CALCRL: variants seen among roughly 807,000 people sequenced by gnomAD.
The protein encoded by CALCRL is calcitonin gene-related peptide type 1 receptor.
In CALCRL, 27 loss-of-function variants were observed where a neutral mutation model predicts 60.4. That is an observed-to-expected ratio of 0.45 (90% confidence interval 0.33 to 0.62). The LOEUF is 0.62. Among genes scored for constraint, CALCRL ranks in the 20% least tolerant of loss-of-function variants. The pLI is 0.03. For synonymous variants in CALCRL, 190 were observed against 182.6 expected (o/e 1.04, Z -0.33); for missense variants, 424 against 540.7 (o/e 0.78, Z 2.14).
intron 1 of CALCRL, among the ~76,000 whole-genome samples, chr2:187,433,732 G>T (rs1690500847): frequency 6.6e-6 from 1 of 151,966 alleles, no homozygotes; most frequent in Non-Finnish European, 1.5e-5. Context: ...TGTTGCCATG[G>T]TGAAATATAA....
chr2:187,412,990 T>C (rs1185572175), intron 1 of CALCRL, among the ~76,000 whole-genome samples: 1 of 152,204 alleles, frequency 6.6e-6, no homozygotes, highest in Non-Finnish European at 1.5e-5. Context: ...ATATGCTTTG[T>C]TCTCTGCAAA....
intron 5 of CALCRL, among the ~76,000 whole-genome samples, chr2:187,381,810 T>C (rs757336829): frequency 1.6e-4 from 25 of 152,144 alleles, no homozygotes; most frequent in Non-Finnish European, 3.1e-4. Context: ...CTGCATGAGA[T>C]GTTTATTGTT....
intron 1 of CALCRL, among the ~76,000 whole-genome samples, chr2:187,390,791 G>T (rs913576463): frequency 1.3e-5 from 2 of 152,092 alleles, no homozygotes; most frequent in South Asian, 2.1e-4. Context: ...AATCAAGGGG[G>T]CAGGTGTATG....
chr2:187,360,451 G>T, intron 10 of CALCRL, 147 bp downstream of exon 10: 1 of 628,496 alleles, frequency 1.6e-6, no homozygotes, highest in South Asian at 3.0e-5. Context: ...TTAAAATGTT[G>T]CAATTTACAA....
At chr2:187,383,843 T>G (rs1688089757) in intron 4 of CALCRL, among the ~76,000 whole-genome samples, 1 of 152,164 alleles carries the variant, frequency 6.6e-6, no homozygotes, top group Non-Finnish European at 1.5e-5. Flanking sequence ...ATGATGTTGG[T>G]AAATAGAAAT....
chr2:187,443,950 G>A (rs2105914734), intron 1 of CALCRL, among the ~76,000 whole-genome samples: 1 of 151,774 alleles, frequency 6.6e-6, no homozygotes, highest in East Asian at 1.9e-4. Context: ...TTATGAATTT[G>A]GTAGTTGGAT....
intron 14 of CALCRL, among the ~76,000 whole-genome samples, chr2:187,348,087 A>G (rs1258716356): frequency 6.6e-6 from 1 of 151,680 alleles, no homozygotes; most frequent in East Asian, 1.9e-4. Flanking sequence ...CAACAAATTT[A>G]TTTATCTTGC....
intron 1 of CALCRL, among the ~76,000 whole-genome samples, chr2:187,421,542 CT>C (rs1380809076): frequency 6.6e-6 from 1 of 152,106 alleles, no homozygotes; most frequent in Non-Finnish European, 1.5e-5. Context: ...ACTGGAATGC[CT>C]TTACTCTTGC....
intron 1 of CALCRL, among the ~76,000 whole-genome samples, chr2:187,408,241 A>T (rs1198862408): frequency 1.3e-5 from 2 of 152,088 alleles, no homozygotes; most frequent in African/African-American, 4.8e-5. Context: ...AAAATATTAC[A>T]GTTTGCAACA....
chr2:187,387,703 T>C lies in CALCRL; in HGVS notation c.-239A>G, dbSNP rs2105794679. On this transcript the variant is annotated 5_prime_UTR_variant, in exon 2 of 15. Coordinates refer to ENST00000392370, the MANE Select transcript of CALCRL (RefSeq NM_005795.6). ...CTCCAGTCTCAAATCACATTTTCTCTTGGATCATATTTGACATTGTCTTTA... is the reference window on the plus strand; with the variant it reads ...CTCCAGTCTCAAATCACATTTTCTCCTGGATCATATTTGACATTGTCTTTA... The C allele has an allele frequency of 5.0e-6, 2 of 397,080 alleles. No homozygotes were observed. The highest frequency in any genetic ancestry group is 8.8e-5 in the Admixed American group (2 of 22,700). 24.6% of individuals were successfully genotyped at this position (397,080 alleles called of 1,614,324 possible). A position where few individuals can be genotyped will look rare whatever the true frequency, so the allele number is the denominator to read the frequency against.
At chr2:187,415,104 GT>G (rs1689546332) in intron 1 of CALCRL, among the ~76,000 whole-genome samples, 1 of 152,034 alleles carries the variant, frequency 6.6e-6, no homozygotes, top group Non-Finnish European at 1.5e-5. Flanking sequence ...ATATGTTAAG[GT>G]TCCTGCAGGA....
chr2:187,353,564 C>T (rs1686629498), intron 12 of CALCRL, among the ~76,000 whole-genome samples: 1 of 151,896 alleles, frequency 6.6e-6, no homozygotes, highest in Admixed American at 6.6e-5. Flanking sequence ...CAAAAATATA[C>T]AGCTCACTAA....
At chr2:187,397,092 G>A (rs1001331361) in intron 1 of CALCRL, among the ~76,000 whole-genome samples, 9 of 151,592 alleles carry the variant, frequency 5.9e-5, no homozygotes, top group Non-Finnish European at 1.0e-4. Flanking sequence ...AATAAAATTA[G>A]ATAATACAAA....
chr2:187,361,826 A>T (rs1687068551), intron 9 of CALCRL, among the ~76,000 whole-genome samples: 2 of 151,938 alleles, frequency 1.3e-5, no homozygotes, highest in Admixed American at 6.6e-5. Context: ...TGTTTTCATT[A>T]TATACGATGC....
intron 1 of CALCRL, among the ~76,000 whole-genome samples, chr2:187,447,694 T>C (rs748237652): frequency 6.6e-6 from 1 of 152,078 alleles, no homozygotes; most frequent in Non-Finnish European, 1.5e-5. Context: ...AGAAATGTTT[T>C]CCAGTTGTCA....
chr2:187,408,179 T>TA (rs1254654769), intron 1 of CALCRL, among the ~76,000 whole-genome samples: 1 of 151,914 alleles, frequency 6.6e-6, no homozygotes, highest in Non-Finnish European at 1.5e-5. Context: ...AAGCCAAAGT[T>TA]AAAAAAATAG....
intron 14 of CALCRL, among the ~76,000 whole-genome samples, chr2:187,350,043 C>T (rs1184277191): frequency 2.0e-5 from 3 of 151,550 alleles, no homozygotes; most frequent in Non-Finnish European, 4.4e-5. Flanking sequence ...GACACAGGCT[C>T]CTGAAATTTG....
At position 187,380,462 on chromosome 2, in the gene CALCRL, C is replaced by A. The variant is rs1194581593; in HGVS notation, c.408+5G>T. On this transcript the variant is annotated splice_donor_5th_base_variant and intron_variant, in intron 7 of 14. Transcript: ENST00000392370. ...GTTAAATTTCAATTCAGAATTATGA[C>A]ATACCTTCACTTTCTCGTGGGTGTT... 2.0e-6 allele frequency: 3 copies of A among 1,518,856 alleles called. No individual in the cohort carries two copies. Among genetic ancestry groups the A allele is most frequent in the Non-Finnish European group, 2.7e-6 (3 of 1,094,260 alleles). The allele number at this position is 1,518,856 out of a possible 1,614,324, so 94.1% of individuals were successfully genotyped here. A position where few individuals can be genotyped will look rare whatever the true frequency, so the allele number is the denominator to read the frequency against.
chr2:187,402,429 G>A lies in CALCRL; in HGVS notation c.-292-14673C>T, dbSNP rs183163739. Among the ~76,000 whole-genome samples, 930 of 151,398 alleles carry A rather than the reference G, an allele frequency of 6.1e-3. 4 individuals are homozygous for A. The highest frequency in any genetic ancestry group is 0.022 in the African/African-American group (891 of 41,204). Reference sequence around the variant, plus strand: ...AGGAAGTATGTTTGTGAGTGTGTGTGTGTGTGTATGTGAGAGAGAGAGAGA... The same window carrying A: ...AGGAAGTATGTTTGTGAGTGTGTGTATGTGTGTATGTGAGAGAGAGAGAGA... On this transcript the variant is annotated intron_variant, in intron 1 of 14. Transcript: ENST00000392370.
Sources: allele counts gnomAD v4.1 joint callset (sites outside exome capture counted in the v4.1 genomes callset), GRCh38; gene constraint gnomAD v4.1.1; transcripts MANE v1.5; gene names NCBI Gene and HGNC (gene_info 2026-07-23, HGNC 2026-07-21).